PKHD1L1: variants seen among roughly 807,000 people sequenced by gnomAD.
PKHD1L1 encodes the protein fibrocystin-L.
Under a neutral mutation model 462.9 loss-of-function variants are expected in PKHD1L1, and 434 were observed. The ratio of observed to expected loss-of-function variants is 0.94; its 90% CI spans 0.87 to 1.02. The LOEUF (loss-of-function observed/expected upper bound fraction) is 1.02. Among genes scored for constraint, PKHD1L1 ranks in the 50% least tolerant of loss-of-function variants. The pLI, the probability that PKHD1L1 is intolerant of heterozygous loss-of-function variation, is 0.00. For missense variants in PKHD1L1, 5,202 were observed against 5,096.1 expected, an observed-to-expected ratio of 1.02 and a Z score of -0.63; for synonymous variants, 1,781 against 1,750.0, an observed-to-expected ratio of 1.02 and a Z score of -0.44.
At chr8:109,486,884 C>A in intron 59 of PKHD1L1, 63 bp downstream of exon 59, 1 of 1,412,888 alleles carries the variant, frequency 7.1e-7, no homozygotes, top group South Asian at 1.4e-5. Flanking sequence ...TATATGTAGT[C>A]AGCTCTTACA....
intron 49 of PKHD1L1, among the ~76,000 whole-genome samples, chr8:109,465,730 A>G (rs1156417020): frequency 1.3e-5 from 2 of 152,200 alleles, no homozygotes; most frequent in Non-Finnish European, 2.9e-5. Flanking sequence ...AAGAGAAGAA[A>G]TAAGTCACAA....
intron 61 of PKHD1L1, 59 bp from the exon 62 acceptor site, chr8:109,491,814 G>T: frequency 7.0e-7 from 1 of 1,437,994 alleles, no homozygotes; most frequent in East Asian, 2.3e-5. Flanking sequence ...CCTAATAGTC[G>T]TTGCAAATTG....
intron 2 of PKHD1L1, among the ~76,000 whole-genome samples, chr8:109,380,988 T>C (rs2130409117): frequency 6.6e-6 from 1 of 152,308 alleles, no homozygotes; most frequent in East Asian, 1.9e-4. Context: ...TTCGAGCCTG[T>C]CATCCACGAA....
rs763712514 is a variant in PKHD1L1 at position 109,491,905 on chromosome 8, C to T, written c.10147C>T (p.Arg3383Ter). The change falls in exon 62 of 78, where the codon CGA becomes TGA. Residue 3383 changes from arginine (R) to a stop codon, truncating the protein, a stop_gained. Coordinates refer to ENST00000378402, the MANE Select transcript of PKHD1L1 (RefSeq NM_177531.6). LOFTEE classifies it high-confidence loss of function. ...AATATGGGGGAATGCCAACCGAGTC[C>T]GAGGGAATTTGATTGCACTTTCGGT... ...IRIWGNANRV[R>*]GNLIALSVWP... 1.1e-5 allele frequency: 18 copies of T among 1,603,342 alleles called. No homozygotes were observed. The highest frequency in any genetic ancestry group is 3.3e-4 in the Middle Eastern group (2 of 6,048).
At chr8:109,511,492 A>G (rs1424091159) in intron 71 of PKHD1L1, among the ~76,000 whole-genome samples, 1 of 151,174 alleles carries the variant, frequency 6.6e-6, no homozygotes. Context: ...ATGATTTCCA[A>G]TTTCATCCAT....
At position 109,451,120 on chromosome 8, in the gene PKHD1L1, C is replaced by G; in HGVS notation, c.6321C>G (p.Thr2107=). The G allele has an allele frequency of 2.5e-6, 4 of 1,611,614 alleles. No individual in the cohort carries two copies. The highest frequency in any genetic ancestry group is 3.4e-6 in the Non-Finnish European group (4 of 1,178,512). ...AGAGAGGCAGTACAGCAGGGGGCAC[C>G]AGACTGACAGTCGTGGGATCAGGAT... ...SPKRGSTAGG[T]RLTVVGSGFS... is the part of the protein sequence containing the mutation. The change falls in exon 41 of 78, where the codon ACC becomes ACG. Residue 2107 remains threonine, a synonymous_variant. Transcript: ENST00000378402.
At chr8:109,492,105 G>T in intron 62 of PKHD1L1, 111 bp downstream of exon 62, 1 of 905,678 alleles carries the variant, frequency 1.1e-6, no homozygotes, top group Non-Finnish European at 1.5e-6. Flanking sequence ...AAAAGATGAT[G>T]TAAGTTTCGA....
In PKHD1L1 at chr8:109,524,003, T is replaced by C. The variant is rs146524155; in HGVS notation, c.12484+617T>C. On this transcript the variant is annotated intron_variant, in intron 76 of 77. Coordinates refer to ENST00000378402, the MANE Select transcript of PKHD1L1 (RefSeq NM_177531.6). ...ATACAGCCATCACTGCCACAATTAC[T>C]TTTTTTATACTATCTTCATATAGGT... 4.1e-3 allele frequency among the ~76,000 whole-genome samples: 617 copies of C among 152,256 alleles called. 5 individuals carry two copies. Among genetic ancestry groups the C allele is most frequent in the African/African-American group, 0.014 (581 of 41,552 alleles).
intron 73 of PKHD1L1, 44 bp from the exon 74 acceptor site, chr8:109,522,142 T>G (rs1013561532): frequency 6.6e-7 from 1 of 1,509,932 alleles, no homozygotes; most frequent in Non-Finnish European, 9.1e-7. Flanking sequence ...TTCTCACAAT[T>G]CTATACTTTT....
Position 109,445,547 on chromosome 8 carries a change from A to T in PKHD1L1, c.5678A>T (p.Asp1893Val). Residue 1893 changes from aspartate (D) to valine (V), a missense_variant, in exon 38 of 78, where the codon GAT becomes GTT. By Grantham distance (152) the Asp-to-Val change is radical (BLOSUM62 -3). Around this residue, in one of 3 missense-constraint regions of PKHD1L1, gnomAD observed 4,497 missense variants for 4,336.8 expected, o/e 1.04. Coordinates refer to ENST00000378402, the MANE Select transcript of PKHD1L1 (RefSeq NM_177531.6). Reference sequence around the variant, plus strand: ...CCCGCTGGGACCACTGGAATGGTCGATGTTAAAATCTTTGTTAATACAATT... The same window carrying T: ...CCCGCTGGGACCACTGGAATGGTCGTTGTTAAAATCTTTGTTAATACAATT... The part of the protein sequence containing the change: ...RTPAGTTGMV[D>V]VKIFVNTIAY... The T allele has an allele frequency of 9.3e-6, 15 of 1,613,046 alleles. No homozygotes were observed. Among genetic ancestry groups the T allele is most frequent in the Non-Finnish European group, 1.2e-5 (14 of 1,179,456 alleles).
chr8:109,523,873 G>A (rs1050237236), intron 76 of PKHD1L1, among the ~76,000 whole-genome samples: 2 of 152,148 alleles, frequency 1.3e-5, no homozygotes, highest in African/African-American at 4.8e-5. Context: ...GTTGCTGTGA[G>A]AATTATAATA....
At chr8:109,468,552 G>A (rs1817562974) in intron 50 of PKHD1L1, among the ~76,000 whole-genome samples, 1 of 152,120 alleles carries the variant, frequency 6.6e-6, no homozygotes, top group Non-Finnish European at 1.5e-5. Context: ...AGACCATATT[G>A]CAAATACTCA....
At chr8:109,431,280 A>G (rs770142095) in intron 27 of PKHD1L1, among the ~76,000 whole-genome samples, 12 of 152,184 alleles carry the variant, frequency 7.9e-5, no homozygotes, top group Non-Finnish European at 1.5e-4. Flanking sequence ...CATTTTTAAA[A>G]TTGTGAAAAT....
At chr8:109,436,552 G>T (rs1815426495) in intron 30 of PKHD1L1, 93 bp downstream of exon 30, 2 of 1,532,176 alleles carry the variant, frequency 1.3e-6, no homozygotes, top group South Asian at 2.5e-5. Context: ...GAAACAAGTG[G>T]TGTATTTACT....
In PKHD1L1 at chr8:109,464,272, G is replaced by A. The variant is rs762077110; in HGVS notation, c.7440G>A (p.Leu2480=). The change falls in exon 49 of 78, where the codon CTG becomes CTA. Residue 2480 remains leucine (L), a synonymous_variant. Coordinates refer to ENST00000378402, the MANE Select transcript of PKHD1L1 (RefSeq NM_177531.6). ...RLGRYPIHWH[L]LGDLQFKSYV... ...GGCGATATCCAATACATTGGCACCTGCTTGGAGACTTACAGTTTAAATCTT... is the reference window on the plus strand; with the variant it reads ...GGCGATATCCAATACATTGGCACCTACTTGGAGACTTACAGTTTAAATCTT... 6.2e-7 allele frequency: 1 copy of A among 1,612,440 alleles called. No individual in the cohort carries two copies.
At chr8:109,491,413 A>G (rs928195737) in intron 61 of PKHD1L1, among the ~76,000 whole-genome samples, 1 of 151,872 alleles carries the variant, frequency 6.6e-6, no homozygotes, top group African/African-American at 2.4e-5. Flanking sequence ...ATAAAATGGA[A>G]GAATTTTTAC....
At chr8:109,389,734 G>A (rs1448627142) in intron 8 of PKHD1L1, among the ~76,000 whole-genome samples, 1 of 152,034 alleles carries the variant, frequency 6.6e-6, no homozygotes, top group Non-Finnish European at 1.5e-5. Context: ...TGCCATATTG[G>A]TCAGGCTGGT....
In PKHD1L1 at chr8:109,401,524, G is replaced by C; in HGVS notation, c.1309G>C (p.Ala437Pro). The C allele has an allele frequency of 6.3e-7, 1 of 1,592,016 alleles. No individual in the cohort carries two copies. The highest frequency in any genetic ancestry group is 8.6e-7 in the Non-Finnish European group (1 of 1,161,654). ...GAGGATTGCATATCATTCTGCTAAT[G>C]CCAACAGTTATTTTTCCAGTCCAAC... ...KVRIAYHSAN[A>P]NSYFSSPTQR... The change falls in exon 14 of 78, where the codon GCC (alanine) becomes CCC (proline). Residue 437 changes from alanine (A) to proline (P), a missense_variant. By Grantham distance (27) the Ala-to-Pro change is conservative. Coordinates refer to ENST00000378402, the MANE Select transcript of PKHD1L1 (RefSeq NM_177531.6).
In PKHD1L1 at chr8:109,445,334, C is replaced by T. The variant is rs1451811411; in HGVS notation, c.5465C>T (p.Ala1822Val). The stretch of plus-strand genomic sequence containing the variant: ...GTTGTGGTGGGAAGTAAAGGCTTGG[C>T]TCTGGGAAACCTGACTGTCAGCAGC... The part of the protein sequence containing the change: ...VSVVVGSKGL[A>V]LGNLTVSSPP... The change falls in exon 38 of 78, where the codon GCT (alanine) becomes GTT (valine). Residue 1822 changes from alanine (A) to valine (V), a missense_variant. By Grantham distance (64) the Ala-to-Val change is moderately conservative. Coordinates refer to ENST00000378402, the MANE Select transcript of PKHD1L1 (RefSeq NM_177531.6). 1 of 1,613,826 alleles carries T rather than the reference C, an allele frequency of 6.2e-7. No homozygotes were observed. The highest frequency in any genetic ancestry group is 8.5e-7 in the Non-Finnish European group (1 of 1,179,874).
Sources: allele counts gnomAD v4.1 joint callset (sites outside exome capture counted in the v4.1 genomes callset), GRCh38; gene constraint gnomAD v4.1.1; regional missense constraint gnomAD v4.1.1; transcripts MANE v1.5; gene names NCBI Gene and HGNC (gene_info 2026-07-23, HGNC 2026-07-21).